PTK2: variants seen among roughly 807,000 people sequenced by gnomAD.
PTK2 encodes the protein focal adhesion kinase 1.
In PTK2, 45 loss-of-function variants were observed where a neutral mutation model predicts 150.1. The ratio of observed to expected loss-of-function variants is 0.30; its 90% CI spans 0.24 to 0.38. PTK2 has a LOEUF of 0.38. Ranked by LOEUF, PTK2 falls within the 10% of genes least tolerant of loss-of-function variation. The pLI is 1.00. For missense variants in PTK2, 919 were observed against 1,307.3 expected (o/e 0.70, Z 4.58); for synonymous variants, 432 against 449.2 (o/e 0.96, Z 0.48).
At chr8:140,991,310 G>A (rs1335260772) in intron 1 of PTK2, among the ~76,000 whole-genome samples, 5 of 152,054 alleles carry the variant, frequency 3.3e-5, no homozygotes, top group Non-Finnish European at 5.9e-5. Context: ...AAAACCACCA[G>A]GGAGCTTGTG....
chr8:140,826,374 G>T (rs930057969), intron 8 of PTK2, among the ~76,000 whole-genome samples: 3 of 152,110 alleles, frequency 2.0e-5, no homozygotes, highest in East Asian at 1.9e-4. Flanking sequence ...AATGTCCAAA[G>T]AATTTATGTC....
At chr8:140,935,158 A>G (rs757575031) in intron 1 of PTK2, among the ~76,000 whole-genome samples, 26 of 152,234 alleles carry the variant, frequency 1.7e-4, no homozygotes, top group African/African-American at 6.3e-4. Context: ...TGTTTATTTT[A>G]TATCTATTAG....
At chr8:140,700,962 C>T (rs2100029992) in exon 26 of PTK2, 1 of 1,614,134 alleles carries the variant, frequency 6.2e-7, no homozygotes, top group Non-Finnish European at 8.5e-7. Flanking sequence ...ATTAGACGCT[C>T]TTCCATCAGA....
intron 26 of PTK2, 96 bp from the exon 30 acceptor site, chr8:140,686,790 T>G: frequency 9.5e-7 from 1 of 1,047,866 alleles, no homozygotes; most frequent in Non-Finnish European, 1.4e-6. Flanking sequence ...AACACAATTG[T>G]CCTCTGAATA....
chr8:140,799,036 G>T (rs2100093406), intron 12 of PTK2, among the ~76,000 whole-genome samples: 1 of 152,154 alleles, frequency 6.6e-6, no homozygotes, highest in Non-Finnish European at 1.5e-5. Flanking sequence ...TGATCACCGT[G>T]GGAAAACACT....
intron 1 of PTK2, among the ~76,000 whole-genome samples, chr8:140,993,127 A>G (rs1331201387): frequency 6.6e-6 from 1 of 152,216 alleles, no homozygotes; most frequent in Non-Finnish European, 1.5e-5. Flanking sequence ...ATGAAAGAGC[A>G]GAGCAATATT....
intron 1 of PTK2, among the ~76,000 whole-genome samples, chr8:140,947,547 T>A (rs749615640): frequency 6.6e-6 from 1 of 151,916 alleles, no homozygotes; most frequent in Non-Finnish European, 1.5e-5. Flanking sequence ...CCTAAAATCC[T>A]CAGTGGTTTC....
chr8:140,747,898 C>G (rs550319830), intron 17 of PTK2, among the ~76,000 whole-genome samples: 2 of 152,130 alleles, frequency 1.3e-5, no homozygotes, highest in Admixed American at 6.5e-5. Flanking sequence ...CTCTAGAAAT[C>G]TGGTAAGTAG....
At chr8:140,740,488 T>C (rs2100055053) in intron 20 of PTK2, among the ~76,000 whole-genome samples, 2 of 152,250 alleles carry the variant, frequency 1.3e-5, no homozygotes, top group African/African-American at 4.8e-5. Context: ...CTCTGAAGAC[T>C]ATCAGAATTC....
At chr8:140,794,504 C>T (rs953350196) in intron 12 of PTK2, among the ~76,000 whole-genome samples, 1 of 152,182 alleles carries the variant, frequency 6.6e-6, no homozygotes, top group Non-Finnish European at 1.5e-5. Flanking sequence ...CCCCCACCCC[C>T]ATACACGGAA....
intron 1 of PTK2, chr8:140,954,787 T>A (rs965184752): frequency 3.9e-5 from 6 of 152,106 alleles, no homozygotes; most frequent in African/African-American, 7.2e-5. Flanking sequence ...AATGACAATT[T>A]AAAAAAATAC....
At chr8:140,846,985 A>C (rs1404955118) in intron 5 of PTK2, among the ~76,000 whole-genome samples, 1 of 152,216 alleles carries the variant, frequency 6.6e-6, no homozygotes, top group South Asian at 2.1e-4. Flanking sequence ...AAAAATAATT[A>C]AAGAAATAAA....
At chr8:140,904,445 G>A (rs1020442897) in intron 2 of PTK2, among the ~76,000 whole-genome samples, 2 of 152,108 alleles carry the variant, frequency 1.3e-5, no homozygotes, top group African/African-American at 4.8e-5. Flanking sequence ...CAGGCATATC[G>A]GCCTGAAATT....
chr8:140,744,888 T>C (rs2100057842), intron 18 of PTK2, 121 bp from the exon 22 acceptor site: 2 of 502,220 alleles, frequency 4.0e-6, no homozygotes, highest in East Asian at 2.9e-5. Flanking sequence ...TTTAATAATA[T>C]TAGAATGGCT....
intron 2 of PTK2, among the ~76,000 whole-genome samples, chr8:140,915,141 G>A (rs1041386981): frequency 6.6e-6 from 1 of 151,912 alleles, no homozygotes; most frequent in Non-Finnish European, 1.5e-5. Context: ...ATTTCACTGA[G>A]GGACAGCAGC....
At chr8:140,806,766 T>C (rs1307823979) in intron 10 of PTK2, among the ~76,000 whole-genome samples, 1 of 152,142 alleles carries the variant, frequency 6.6e-6, no homozygotes, top group South Asian at 2.1e-4. Context: ...AAGATATTGA[T>C]AGAGATTTTA....
At chr8:140,981,897 C>CA (rs759990619) in intron 1 of PTK2, among the ~76,000 whole-genome samples, 4 of 152,146 alleles carry the variant, frequency 2.6e-5, no homozygotes, top group Non-Finnish European at 4.4e-5. Context: ...GTCCTTCCTC[C>CA]AGGTTCTCAG....
chr8:140,820,985 G>C (rs896036445), intron 8 of PTK2: 3 of 152,258 alleles, frequency 2.0e-5, no homozygotes, highest in African/African-American at 7.2e-5. Flanking sequence ...TAGCCTGTCT[G>C]TAGTGGCTTG....
At chr8:140,783,020 C>T (rs1651485878) in intron 14 of PTK2, among the ~76,000 whole-genome samples, 1 of 152,128 alleles carries the variant, frequency 6.6e-6, no homozygotes, top group African/African-American at 2.4e-5. Context: ...AGGCAGGTCG[C>T]TTGAGCCCAG....
Sources: gnomAD v4.1 joint callset for allele counts (sites outside exome capture counted in the v4.1 genomes callset) on GRCh38, gnomAD v4.1.1 for gene constraint, MANE v1.5 for transcripts, NCBI Gene and HGNC (gene_info 2026-07-23, HGNC 2026-07-21) for gene names.